The following RAB43 variants were observed in gnomAD, a reference collection of about 807,000 sequenced individuals.
RAB43 encodes the protein RAB43, member RAS oncogene family.
In RAB43, 6 loss-of-function variants were observed where a neutral mutation model predicts 18.8. The observed-to-expected ratio is 0.32, with a 90% CI of 0.17 to 0.63. RAB43 has a LOEUF of 0.63. Ranked by LOEUF, RAB43 falls within the 30% of genes least tolerant of loss-of-function variation. The pLI is 0.79. For synonymous variants in RAB43, 103 were observed against 124.1 expected (o/e 0.83, Z 1.13); for missense variants, 195 against 289.1 (o/e 0.67, Z 2.36).
At chr3:129,091,882 A>G (rs1933684496) in intron 2 of RAB43, among the ~76,000 whole-genome samples, 1 of 152,038 alleles carries the variant, frequency 6.6e-6, no homozygotes, top group South Asian at 2.1e-4. Flanking sequence ...CCTGGCCAAC[A>G]TGATGAAACC....
intron 1 of RAB43, among the ~76,000 whole-genome samples, chr3:129,108,416 C>T (rs1014067857): frequency 4.6e-5 from 7 of 152,248 alleles, no homozygotes; most frequent in Non-Finnish European, 1.0e-4. Context: ...ACCACAGCCA[C>T]AGCATTAATA....
intron 1 of RAB43, among the ~76,000 whole-genome samples, chr3:129,121,071 C>A (rs935789419): frequency 5.6e-4 from 5 of 8,982 alleles, no homozygotes; most frequent in Non-Finnish European, 1.3e-3. Context: ...CTCCCTCGCC[C>A]CCCCCCCCCC....
In RAB43 at chr3:129,121,734, C is replaced by G; in HGVS notation, c.-245G>C. The G allele has an allele frequency of 3.7e-6, 1 of 271,272 alleles. No homozygotes were observed. The highest frequency in any genetic ancestry group is 6.8e-6 in the Non-Finnish European group (1 of 146,228). The allele number at this position is 271,272 out of a possible 1,614,324, so 16.8% of individuals were successfully genotyped here. A position where few individuals can be genotyped will look rare whatever the true frequency, so the allele number is the denominator to read the frequency against. ...ACCCGGTGCCCCGCGGGTTCGGCTC[C>G]CCCCCGGACCCGCCAAGCCGGGCCC... On this transcript the variant is annotated 5_prime_UTR_variant, in exon 1 of 3. Coordinates refer to ENST00000315150, the MANE Select transcript of RAB43 (RefSeq NM_198490.3).
At chr3:129,114,850 A>G (rs1935419382) in intron 1 of RAB43, among the ~76,000 whole-genome samples, 1 of 152,224 alleles carries the variant, frequency 6.6e-6, no homozygotes, top group Admixed American at 6.5e-5. Flanking sequence ...TAGTACGAGC[A>G]TAGCCACAGG....
intron 1 of RAB43, among the ~76,000 whole-genome samples, chr3:129,113,166 TATTA>T (rs1430079989): frequency 1.4e-5 from 2 of 147,992 alleles, no homozygotes; most frequent in African/African-American, 2.5e-5. Flanking sequence ...TTATTATTAT[TATTA>T]TTTTTTTTTT....
rs565490682 is a variant in RAB43, at chr3:129,121,184, C to T, written c.204+102G>A. The T allele has an allele frequency of 2.1e-5, 22 of 1,070,130 alleles. No homozygotes were observed. The Admixed American group carries it at 5.3e-4, about 26-fold the overall frequency. The allele number at this position is 1,070,130 out of a possible 1,614,324, so 66.3% of individuals were successfully genotyped here. A position where few individuals can be genotyped will look rare whatever the true frequency, so the allele number is the denominator to read the frequency against. ...AGGAAAAAGGGGAAGCCAAAGGAAA[C>T]TTCAGATGGACGCGGGGTGCGCTCG... On this transcript the variant is annotated intron_variant, in intron 1 of 2. Transcript: ENST00000315150.
intron 1 of RAB43, among the ~76,000 whole-genome samples, chr3:129,117,521 T>A (rs914979935): frequency 6.6e-6 from 1 of 152,236 alleles, no homozygotes; most frequent in African/African-American, 2.4e-5. Context: ...GATCACCATA[T>A]ACAAAGCCTT....
chr3:129,121,491 G>A lies in RAB43; in HGVS notation c.-2C>T, dbSNP rs1200367243. 6.2e-7 allele frequency: 1 copy of A among 1,606,788 alleles called. No individual in the cohort carries two copies. The highest frequency in any genetic ancestry group is 8.5e-7 in the Non-Finnish European group (1 of 1,177,110). On this transcript the variant is annotated 5_prime_UTR_variant, in exon 1 of 3. Transcript: ENST00000315150. The stretch of plus-strand genomic sequence containing the variant: ...CGGGCCTGGGCCCGGCCCTGCCATG[G>A]CCTAGAAGAAGCCGAAGGGCCGGCG...
intron 1 of RAB43, among the ~76,000 whole-genome samples, chr3:129,103,239 C>T (rs187355817): frequency 1.8e-3 from 275 of 152,324 alleles, no homozygotes; most frequent in African/African-American, 6.3e-3. Flanking sequence ...GTGCCCTCCT[C>T]CTACCCACTT....
chr3:129,106,847 C>T (rs569844070), intron 1 of RAB43, among the ~76,000 whole-genome samples: 5 of 152,320 alleles, frequency 3.3e-5, no homozygotes, highest in African/African-American at 1.2e-4. Flanking sequence ...CAATGCAGCT[C>T]TCCTTGGGAG....
intron 2 of RAB43, among the ~76,000 whole-genome samples, chr3:129,093,196 G>C (rs188427488): frequency 6.6e-6 from 1 of 151,078 alleles, no homozygotes; most frequent in Non-Finnish European, 1.5e-5. Context: ...TCACCATGTT[G>C]CCCAGGCTGG....
intron 2 of RAB43, chr3:129,092,544 T>A (rs1252317987): frequency 2.0e-5 from 14 of 697,632 alleles, no homozygotes; most frequent in Non-Finnish European, 3.1e-5. Flanking sequence ...GAGGATTGCT[T>A]GAGGCCAGGA....
chr3:129,119,908 T>G (rs549983379), intron 1 of RAB43, among the ~76,000 whole-genome samples: 3 of 152,116 alleles, frequency 2.0e-5, no homozygotes, highest in Non-Finnish European at 4.4e-5. Context: ...ACACTCCCAT[T>G]TCCCTGCAGC....
At position 129,107,389 on chromosome 3, in the gene RAB43, T is replaced by A. The variant is rs1198549425; in HGVS notation, c.205-12220A>T. Among the ~76,000 whole-genome samples the A allele has an allele frequency of 2.6e-5, 4 of 152,028 alleles. No individual in the cohort carries two copies. Among genetic ancestry groups the A allele is most frequent in the Non-Finnish European group, 5.9e-5 (4 of 68,020 alleles). On this transcript the variant is annotated intron_variant, in intron 1 of 2. Coordinates refer to ENST00000315150, the MANE Select transcript of RAB43 (RefSeq NM_198490.3). This position sits in a 1 kb window ranked among gnomAD's most constrained non-coding sequence, Gnocchi z 4.2. ...CCTCTGGCCAACAAGTCCTGCCTCA[T>A]CTGCTTGCCAAGTGCCACCTCTTCC...
At chr3:129,096,972 G>T (rs1167848986) in intron 1 of RAB43, among the ~76,000 whole-genome samples, 1 of 152,046 alleles carries the variant, frequency 6.6e-6, no homozygotes, top group Non-Finnish European at 1.5e-5. Context: ...AATTAACCAG[G>T]TGTGGTGGTG....
At chr3:129,106,413 G>C (rs1165370492) in intron 1 of RAB43, among the ~76,000 whole-genome samples, 2 of 152,194 alleles carry the variant, frequency 1.3e-5, no homozygotes, top group African/African-American at 2.4e-5. Context: ...TGGGCCATGC[G>C]AGCTCCTGAC....
chr3:129,112,863 G>A lies in RAB43; in HGVS notation c.204+8423C>T, dbSNP rs1430128140. ...TCTCTGGGACTTAAGCAATCCTCCC[G>A]CCTCAGCCTCCTCAGTAGCTGGGAC... On this transcript the variant is annotated intron_variant, in intron 1 of 2. Transcript: ENST00000315150. Among the ~76,000 whole-genome samples, 5 of 151,610 alleles carry A rather than the reference G, an allele frequency of 3.3e-5. No individual in the cohort carries two copies. The East Asian group carries it at 9.7e-4, about 29-fold the overall frequency.
chr3:129,109,168 T>TG (rs1041759229), intron 1 of RAB43, among the ~76,000 whole-genome samples: 1 of 152,100 alleles, frequency 6.6e-6, no homozygotes, highest in African/African-American at 2.4e-5. Flanking sequence ...CCCAACACTT[T>TG]GGGAGGCCAA....
intron 1 of RAB43, among the ~76,000 whole-genome samples, chr3:129,111,934 T>C (rs985765262): frequency 6.6e-6 from 1 of 152,090 alleles, no homozygotes; most frequent in Non-Finnish European, 1.5e-5. Context: ...CCACTATTTA[T>C]GGACCTACAC....
Sources: allele counts gnomAD v4.1 joint callset (sites outside exome capture counted in the v4.1 genomes callset), GRCh38; gene constraint gnomAD v4.1.1; non-coding constraint Gnocchi (gnomAD v3.1); transcripts MANE v1.5; gene names NCBI Gene and HGNC (gene_info 2026-07-23, HGNC 2026-07-21).